ETV5: variants seen among roughly 807,000 people sequenced by gnomAD.
ETV5 encodes ETS translocation variant 5.
A neutral mutation model predicts 70.0 loss-of-function variants in ETV5; 10 were observed. The ratio of observed to expected loss-of-function variants is 0.14; its 90% CI spans 0.09 to 0.24. The LOEUF (loss-of-function observed/expected upper bound fraction) is 0.24. Among genes scored for constraint, ETV5 ranks in the 10% least tolerant of loss-of-function variants. The probability of loss-of-function intolerance (pLI) is 1.00; values close to 1 mark genes in which losing one functional copy is unlikely to be tolerated. For missense variants in ETV5, 453 were observed against 651.2 expected (o/e 0.70, Z 3.31); for synonymous variants, 216 against 242.2 (o/e 0.89, Z 1.01).
At chr3:186,069,154 A>G (rs1052056104) in intron 7 of ETV5, among the ~76,000 whole-genome samples, 4 of 152,212 alleles carry the variant, frequency 2.6e-5, no homozygotes, top group African/African-American at 9.7e-5. Context: ...AGCACAATAT[A>G]CTGCCTTTAC....
rs751931702 is a variant in ETV5, at chr3:186,105,791, G to C, written c.45+33C>G. ...GGGGAAGACTCATATTGGAGAGGGA[G>C]GACAAAACAAACCAAAAGCCACATA... On this transcript the variant is annotated intron_variant, in intron 2 of 12. Coordinates refer to ENST00000306376, the MANE Select transcript of ETV5 (RefSeq NM_004454.3). This position sits in a 1 kb window ranked among gnomAD's most constrained non-coding sequence, Gnocchi z 4.5. The C allele has an allele frequency of 1.9e-6, 3 of 1,610,838 alleles. No homozygotes were observed. Among genetic ancestry groups the C allele is most frequent in the Non-Finnish European group, 2.5e-6 (3 of 1,177,198 alleles).
At position 186,102,306 on chromosome 3, in the gene ETV5, A is replaced by G. The variant is rs531326333; in HGVS notation, c.232+2999T>C. On this transcript the variant is annotated intron_variant, in intron 5 of 12. Coordinates refer to ENST00000306376, the MANE Select transcript of ETV5 (RefSeq NM_004454.3). ...GGAAAATTATCAAATCATTATTAAT[A>G]GGAAAGTGTATTACCAGTGGCCACT... Among the ~76,000 whole-genome samples the G allele has an allele frequency of 4.3e-4, 66 of 152,304 alleles. 1 individual carries two copies. Among genetic ancestry groups the G allele is most frequent in the Non-Finnish European group, 7.9e-4 (54 of 68,008 alleles).
chr3:186,080,377 A>T (rs1264989253), intron 6 of ETV5, among the ~76,000 whole-genome samples: 1 of 151,742 alleles, frequency 6.6e-6, no homozygotes, highest in Non-Finnish European at 1.5e-5. Flanking sequence ...CTTCTAAAAG[A>T]ATTCTCCGTG....
chr3:186,104,514 GACA>G (rs1324495932), intron 5 of ETV5, among the ~76,000 whole-genome samples: 1 of 152,132 alleles, frequency 6.6e-6, no homozygotes, highest in African/African-American at 2.4e-5. Flanking sequence ...AGACAAAATT[GACA>G]ACATGTTGGA....
intron 5 of ETV5, among the ~76,000 whole-genome samples, chr3:186,092,405 T>G (rs1428171255): frequency 6.6e-6 from 1 of 152,152 alleles, no homozygotes; most frequent in Non-Finnish European, 1.5e-5. Flanking sequence ...ATTGATAAAA[T>G]TTTCCCCACC....
chr3:186,075,781 T>A (rs1713769068), intron 7 of ETV5, among the ~76,000 whole-genome samples: 1 of 152,244 alleles, frequency 6.6e-6, no homozygotes, highest in Non-Finnish European at 1.5e-5. Flanking sequence ...ATTCTTCAGG[T>A]ACAGGAGCAT....
At chr3:186,107,015 A>G in intron 1 of ETV5, 1 of 929,196 alleles carries the variant, frequency 1.1e-6, no homozygotes, top group South Asian at 5.0e-5. Flanking sequence ...AATTTTAAAC[A>G]GGAAACTTTT....
In ETV5 at chr3:186,081,144, G is replaced by T; in HGVS notation, c.264C>A (p.Ile88=). The change falls in exon 6 of 13, where the codon ATC becomes ATA. Residue 88 remains isoleucine, a synonymous_variant. Transcript: ENST00000306376. ...AGGAGGGGCTGTGCAGCTCCCGTTT[G>T]ATCTTGGTTGGAGGTGGGGCATGAA... ...LVLHAPPPTK[I]KRELHSPSSE... The T allele has an allele frequency of 6.2e-7, 1 of 1,613,606 alleles. No homozygotes were observed. The highest frequency in any genetic ancestry group is 1.1e-5 in the South Asian group (1 of 90,958).
chr3:186,071,865 T>G (rs1387286807), intron 7 of ETV5, among the ~76,000 whole-genome samples: 1 of 151,630 alleles, frequency 6.6e-6, no homozygotes, highest in Non-Finnish European at 1.5e-5. Context: ...TGGCGCGATC[T>G]CGGCTCACCG....
chr3:186,048,914 G>T, intron 12 of ETV5, 54 bp from the exon 13 acceptor site: 1 of 1,468,680 alleles, frequency 6.8e-7, no homozygotes. Flanking sequence ...CATGGGATCA[G>T]GGGAAGAGAA....
In ETV5 at chr3:186,108,801, CG is replaced by C. The variant is rs540828175; in HGVS notation, c.-75+138del. 167 of 333,672 alleles carry C rather than the reference CG, an allele frequency of 5.0e-4. 1 individual carries two copies. Among genetic ancestry groups the C allele is most frequent in the African/African-American group, 8.4e-4 (37 of 43,960 alleles). The allele number at this position is 333,672 out of a possible 1,614,324, so 20.7% of individuals were successfully genotyped here. ...CCGCGGGGGGAGGGGGCGGTCAACCCGGGGGGGGTCACCCCAGCTACTGCAC... is the reference window on the plus strand; with the variant it reads ...CCGCGGGGGGAGGGGGCGGTCAACCCGGGGGGGTCACCCCAGCTACTGCAC... On this transcript the variant is annotated intron_variant, in intron 1 of 12. Transcript: ENST00000306376.
Position 186,047,823 on chromosome 3 carries a change from C to T in ETV5, c.*816G>A. 4.3e-6 allele frequency: 1 copy of T among 233,458 alleles called. No homozygotes were observed. The highest frequency in any genetic ancestry group is 8.5e-6 in the Non-Finnish European group (1 of 117,938). 14.5% of individuals were successfully genotyped at this position (233,458 alleles called of 1,614,324 possible). Reference sequence around the variant, plus strand: ...GTTTTTCGTTTTTTTGCTTTAAATACCAAAACTACAAAAATCAGTTTATAA... The same window carrying T: ...GTTTTTCGTTTTTTTGCTTTAAATATCAAAACTACAAAAATCAGTTTATAA... On this transcript the variant is annotated 3_prime_UTR_variant, in exon 13 of 13. Coordinates refer to ENST00000306376, the MANE Select transcript of ETV5 (RefSeq NM_004454.3).
intron 5 of ETV5, among the ~76,000 whole-genome samples, chr3:186,103,620 A>AACACACACACACACAC (rs10534124): frequency 1.5e-3 from 219 of 142,958 alleles, no homozygotes; most frequent in South Asian, 5.6e-3. Context: ...TCATCTTGCA[A>AACACACACACACACAC]ACACACACAC....
intron 7 of ETV5, among the ~76,000 whole-genome samples, chr3:186,077,026 TG>T (rs1251548101): frequency 6.6e-6 from 1 of 152,200 alleles, no homozygotes; most frequent in Non-Finnish European, 1.5e-5. Flanking sequence ...TTACACGTCA[TG>T]GAAGTTTTTG....
intron 7 of ETV5, 31 bp from the exon 8 acceptor site, chr3:186,066,103 C>A (rs538664037): frequency 2.6e-6 from 4 of 1,529,742 alleles, no homozygotes; most frequent in Non-Finnish European, 3.5e-6. Context: ...TCATGTTGAA[C>A]AAAGACTTGA....
chr3:186,055,750 G>A (rs775165508), intron 11 of ETV5, among the ~76,000 whole-genome samples: 31 of 152,034 alleles, frequency 2.0e-4, no homozygotes, highest in Non-Finnish European at 3.5e-4. Flanking sequence ...CCAAGTCCCC[G>A]GTTGCTACCT....
chr3:186,053,625 AC>A (rs1413722946), intron 11 of ETV5, among the ~76,000 whole-genome samples: 1 of 152,178 alleles, frequency 6.6e-6, no homozygotes, highest in African/African-American at 2.4e-5. Context: ...CTTGCAAGAA[AC>A]CCTGTGAAAG....
At chr3:186,073,889 A>C (rs563556253) in intron 7 of ETV5, among the ~76,000 whole-genome samples, 1 of 152,336 alleles carries the variant, frequency 6.6e-6, no homozygotes, top group African/African-American at 2.4e-5. Flanking sequence ...CCTTAAGAGA[A>C]ATTTTATATG....
chr3:186,065,679 G>A, intron 8 of ETV5, 134 bp downstream of exon 8: 1 of 1,059,718 alleles, frequency 9.4e-7, no homozygotes, highest in Non-Finnish European at 1.3e-6. Context: ...AGTTATTTGA[G>A]GGCAATTCTT....
Sources: allele counts gnomAD v4.1 joint callset (sites outside exome capture counted in the v4.1 genomes callset), GRCh38; gene constraint gnomAD v4.1.1; non-coding constraint Gnocchi (gnomAD v3.1); transcripts MANE v1.5; gene names NCBI Gene and HGNC (gene_info 2026-07-23, HGNC 2026-07-21).